WAC: variants seen among roughly 807,000 people sequenced by gnomAD.
The protein encoded by WAC is WW domain-containing adapter protein with coiled-coil.
A neutral mutation model predicts 79.6 loss-of-function variants in WAC; 11 were observed. The observed-to-expected ratio is 0.14, with a 90% CI of 0.09 to 0.23. The LOEUF (loss-of-function observed/expected upper bound fraction) is 0.23, where lower values mean the gene tolerates loss of function less well. WAC is among the 10% of genes least tolerant of loss of function. The pLI is 1.00. For missense variants in WAC, 728 were observed against 773.5 expected (o/e 0.94, Z 0.70); for synonymous variants, 304 against 276.9 (o/e 1.10, Z -0.97).
intron 3 of WAC, among the ~76,000 whole-genome samples, chr10:28,554,349 G>T (rs1837865524): frequency 6.6e-6 from 1 of 152,108 alleles, no homozygotes; most frequent in Non-Finnish European, 1.5e-5. Context: ...TTGTGAAAAT[G>T]GATTTTTTCA....
intron 3 of WAC, among the ~76,000 whole-genome samples, chr10:28,582,860 C>T (rs1839609972): frequency 6.6e-6 from 1 of 152,066 alleles, no homozygotes; most frequent in Non-Finnish European, 1.5e-5. Context: ...TCATCTTTAT[C>T]ATCTTATAAG....
Position 28,603,790 on chromosome 10 carries a change from C to T in WAC, c.920-4396C>T, listed in dbSNP as rs756976387. On this transcript the variant is annotated intron_variant, in intron 7 of 13. Coordinates refer to ENST00000354911, the MANE Select transcript of WAC (RefSeq NM_016628.5). ...TCTACTAAAAATACAAAAAATTAGCCGGTCGAGGTGGCAGGCGCCTGTAGT... is the reference window on the plus strand; with the variant it reads ...TCTACTAAAAATACAAAAAATTAGCTGGTCGAGGTGGCAGGCGCCTGTAGT... 1.9e-4 allele frequency among the ~76,000 whole-genome samples: 28 copies of T among 150,956 alleles called. 1 individual carries two copies. Among genetic ancestry groups the T allele is most frequent in the South Asian group, 6.3e-4 (3 of 4,744 alleles).
intron 3 of WAC, among the ~76,000 whole-genome samples, chr10:28,550,536 A>ATG (rs890220175): frequency 2.6e-5 from 4 of 152,166 alleles, no homozygotes; most frequent in East Asian, 1.9e-4. Context: ...AGCGATTTGT[A>ATG]TGTGTGTGTG....
At chr10:28,571,464 T>C (rs1838959331) in intron 3 of WAC, among the ~76,000 whole-genome samples, 1 of 152,226 alleles carries the variant, frequency 6.6e-6, no homozygotes, top group South Asian at 2.1e-4. Flanking sequence ...TGTTGTACTT[T>C]GCCCTCTGAA....
chr10:28,611,876 C>T lies in WAC; in HGVS notation c.1391C>T (p.Pro464Leu), dbSNP rs138875504. ...RISTPQTNTV[P>L]IKPLISTPPV... ...AGCACACCTCAAACTAACACAGTCC[C>T]TATCAAACCTTTGATCAGTACTCCT... Residue 464 changes from proline to leucine, a missense_variant, in exon 10 of 14, where the codon CCT becomes CTT. Physicochemically the swap from Pro to Leu is moderately conservative, Grantham distance 98. Transcript: ENST00000354911. The T allele has an allele frequency of 8.4e-5, 135 of 1,614,178 alleles. No homozygotes were observed. The African/African-American group carries it at 1.5e-3, about 18-fold the overall frequency.
chr10:28,565,894 A>G (rs1838574667), intron 3 of WAC, among the ~76,000 whole-genome samples: 1 of 152,198 alleles, frequency 6.6e-6, no homozygotes, highest in African/African-American at 2.4e-5. Context: ...ATGTTTTTAC[A>G]GGTAATTTTG....
intron 3 of WAC, among the ~76,000 whole-genome samples, chr10:28,551,701 T>C (rs1837677691): frequency 1.3e-5 from 2 of 152,298 alleles, no homozygotes; most frequent in South Asian, 4.1e-4. Flanking sequence ...TGCTGTAGGA[T>C]CTGAAATTGT....
intron 3 of WAC, among the ~76,000 whole-genome samples, chr10:28,536,235 G>A (rs532471050): frequency 2.6e-4 from 29 of 112,388 alleles, no homozygotes; most frequent in African/African-American, 1.0e-3. Flanking sequence ...GTGCTAGAGT[G>A]AGACTCCATT....
chr10:28,619,533 T>G lies in WAC; in HGVS notation c.1875-4T>G. ...AGGTTCTAATGTCTGCTTTTTTTTT[T>G]CAGGATACTATTTTTGAGACAACAA... On this transcript the variant is annotated splice_region_variant and splice_polypyrimidine_tract_variant and intron_variant, in intron 13 of 13. Coordinates refer to ENST00000354911, the MANE Select transcript of WAC (RefSeq NM_016628.5). 6.4e-7 allele frequency: 1 copy of G among 1,572,204 alleles called. No individual in the cohort carries two copies. The highest frequency in any genetic ancestry group is 8.6e-7 in the Non-Finnish European group (1 of 1,167,310).
chr10:28,548,620 A>AT (rs1294793707), intron 3 of WAC, among the ~76,000 whole-genome samples: 2 of 151,886 alleles, frequency 1.3e-5, no homozygotes, highest in Middle Eastern at 3.4e-3. Flanking sequence ...AATTTGGGTT[A>AT]TTTTTTAGTT....
intron 3 of WAC, among the ~76,000 whole-genome samples, chr10:28,547,536 C>CA (rs879618722): frequency 5.3e-3 from 658 of 123,492 alleles, no homozygotes; most frequent in East Asian, 0.016. Context: ...ACTCCATCTC[C>CA]AAAAAAAAAA....
chr10:28,562,351 C>A (rs1428068237), intron 3 of WAC, among the ~76,000 whole-genome samples: 1 of 152,156 alleles, frequency 6.6e-6, no homozygotes, highest in Admixed American at 6.6e-5. Context: ...CCACCAGGCC[C>A]AGCCAATTTT....
chr10:28,590,129 C>T (rs1385316798), intron 5 of WAC, among the ~76,000 whole-genome samples: 2 of 151,960 alleles, frequency 1.3e-5, no homozygotes, highest in Non-Finnish European at 2.9e-5. Context: ...GAGGCCAGCC[C>T]TGGCAACATA....
intron 3 of WAC, among the ~76,000 whole-genome samples, chr10:28,561,664 T>A (rs901748618): frequency 1.3e-5 from 2 of 152,164 alleles, no homozygotes; most frequent in African/African-American, 4.8e-5. Flanking sequence ...CTTTAACCCC[T>A]GGGCCACAGA....
intron 6 of WAC, chr10:28,591,214 G>T: frequency 4.8e-6 from 1 of 209,850 alleles, no homozygotes; most frequent in Non-Finnish European, 9.5e-6. Flanking sequence ...TCTAATAATT[G>T]AATCATAGCT....
At chr10:28,546,630 A>G (rs891647203) in intron 3 of WAC, among the ~76,000 whole-genome samples, 9 of 152,144 alleles carry the variant, frequency 5.9e-5, no homozygotes, top group African/African-American at 1.9e-4. Context: ...ATAATTTTAT[A>G]TTTTTGTGTA....
intron 3 of WAC, among the ~76,000 whole-genome samples, chr10:28,570,219 G>C (rs1393528330): frequency 6.6e-6 from 1 of 151,954 alleles, no homozygotes; most frequent in Admixed American, 6.6e-5. Flanking sequence ...ATTTTATTTT[G>C]TACAGATAAT....
chr10:28,606,474 C>T (rs1410498434), intron 7 of WAC, among the ~76,000 whole-genome samples: 3 of 152,154 alleles, frequency 2.0e-5, no homozygotes, highest in African/African-American at 7.2e-5. Flanking sequence ...AGTGTATACC[C>T]TTACGCAAAT....
intron 5 of WAC, among the ~76,000 whole-genome samples, chr10:28,590,282 A>G (rs1012405114): frequency 1.4e-5 from 2 of 143,286 alleles, no homozygotes; most frequent in Non-Finnish European, 3.0e-5. Flanking sequence ...ACTACACTCT[A>G]GCCTGAGCAA....
Sources: allele counts gnomAD v4.1 joint callset (sites outside exome capture counted in the v4.1 genomes callset), GRCh38; gene constraint gnomAD v4.1.1; transcripts MANE v1.5; gene names NCBI Gene and HGNC (gene_info 2026-07-23, HGNC 2026-07-21).